The following DPP6 variants were observed in gnomAD, a reference collection of about 807,000 sequenced individuals.
DPP6 encodes the protein dipeptidyl peptidase like 6, also known as A-type potassium channel modulatory protein DPP6.
Under a neutral mutation model 122.6 loss-of-function variants are expected in DPP6, and 69 were observed. The observed-to-expected ratio is 0.56, with a 90% CI of 0.46 to 0.69. The LOEUF (loss-of-function observed/expected upper bound fraction) is 0.69. DPP6 is among the 30% of genes least tolerant of loss of function. DPP6 has a pLI of 0.00. For synonymous variants in DPP6, 418 were observed against 433.1 expected, an observed-to-expected ratio of 0.97 and a Z score of 0.43; for missense variants, 928 against 1,116.9, an observed-to-expected ratio of 0.83 and a Z score of 2.41.
At chr7:154,531,486 A>T (rs1035161808) in intron 3 of DPP6, among the ~76,000 whole-genome samples, 1 of 152,208 alleles carries the variant, frequency 6.6e-6, no homozygotes, top group Non-Finnish European at 1.5e-5. Context: ...TAAAACAAAT[A>T]TAAAATAATG....
intron 1 of DPP6, among the ~76,000 whole-genome samples, chr7:154,068,132 C>A (rs1479440004): frequency 6.6e-6 from 1 of 152,038 alleles, no homozygotes; most frequent in Non-Finnish European, 1.5e-5. Flanking sequence ...GAGAGGTTAG[C>A]AGGGAAGGGG....
At chr7:154,727,940 A>G in intron 8 of DPP6, 53 bp downstream of exon 8, 1 of 1,515,856 alleles carries the variant, frequency 6.6e-7, no homozygotes, top group African/African-American at 1.4e-5. Context: ...TGCTGCTGCT[A>G]CATTGGAGTT....
intron 5 of DPP6, among the ~76,000 whole-genome samples, chr7:154,589,355 G>T (rs146332522): frequency 2.3e-4 from 35 of 152,326 alleles, no homozygotes; most frequent in African/African-American, 8.4e-4. Flanking sequence ...TCGTGACTTT[G>T]TCCTGGTGAC....
At chr7:154,254,191 G>A (rs573236149) in intron 1 of DPP6, among the ~76,000 whole-genome samples, 5 of 152,240 alleles carry the variant, frequency 3.3e-5, no homozygotes, top group Admixed American at 1.3e-4. Flanking sequence ...AGAAATGGGG[G>A]TTTAACAAAT....
intron 7 of DPP6, among the ~76,000 whole-genome samples, chr7:154,714,906 A>G (rs887894208): frequency 1.3e-5 from 2 of 152,168 alleles, no homozygotes; most frequent in Non-Finnish European, 2.9e-5. Flanking sequence ...TAACAAAGAG[A>G]TGAGTCTGGC....
chr7:154,704,685 T>C (rs1198975456), intron 7 of DPP6, among the ~76,000 whole-genome samples: 1 of 152,250 alleles, frequency 6.6e-6, no homozygotes, highest in African/African-American at 2.4e-5. Flanking sequence ...TTGTTAGCAT[T>C]TTTTAGCAAC....
intron 1 of DPP6, among the ~76,000 whole-genome samples, chr7:154,211,720 C>T (rs768011382): frequency 6.6e-6 from 1 of 152,154 alleles, no homozygotes; most frequent in African/African-American, 2.4e-5. Flanking sequence ...CTCAGAGGAC[C>T]AGTGGCCCTC....
chr7:154,491,891 C>A (rs540030934), intron 3 of DPP6, among the ~76,000 whole-genome samples: 2 of 152,232 alleles, frequency 1.3e-5, no homozygotes, highest in South Asian at 2.1e-4. Context: ...TCCCTTCCAG[C>A]GTTAAGTTCC....
At chr7:154,016,051 C>G (rs190007600) in intron 1 of DPP6, among the ~76,000 whole-genome samples, 29 of 152,312 alleles carry the variant, frequency 1.9e-4, no homozygotes, top group African/African-American at 7.0e-4. Flanking sequence ...ATATCACATT[C>G]CTTCTGCATC....
chr7:154,654,022 C>T (rs1837060109), intron 6 of DPP6, among the ~76,000 whole-genome samples: 1 of 151,874 alleles, frequency 6.6e-6, no homozygotes, highest in Admixed American at 6.6e-5. Flanking sequence ...TTTGTACAGA[C>T]TTTCTTCCTT....
chr7:153,819,204 G>A, the DPP6 span, among the ~76,000 whole-genome samples: 2 of 131,952 alleles, frequency 1.5e-5, no homozygotes, highest in South Asian at 5.2e-4. Flanking sequence ...ATGAAGCCTA[G>A]TACCCATTAG....
chr7:154,127,711 TCTTTCCAA>T lies in DPP6; in HGVS notation c.243+74649_243+74656del, dbSNP rs770922618. Among the ~76,000 whole-genome samples, 1,106 of 151,936 alleles carry T rather than the reference TCTTTCCAA, an allele frequency of 7.3e-3. 10 individuals carry two copies. The highest frequency in any genetic ancestry group is 9.6e-3 in the Non-Finnish European group (652 of 68,000). ...CTTTCTGAGGTTGGGAAGGAATCAT[TCTTTCCAA>T]TGGCATCGTTGCCCAGCGTTGGCCA... On this transcript the variant is annotated intron_variant, in intron 1 of 25. Coordinates refer to ENST00000377770, the MANE Select transcript of DPP6 (RefSeq NM_130797.4).
At chr7:154,087,560 A>G (rs1804514422) in intron 1 of DPP6, among the ~76,000 whole-genome samples, 1 of 152,224 alleles carries the variant, frequency 6.6e-6, no homozygotes, top group Non-Finnish European at 1.5e-5. Flanking sequence ...AGCCACACTC[A>G]GCTAGAGAGC....
At chr7:153,773,389 A>G in the DPP6 span, among the ~76,000 whole-genome samples, 7 of 150,192 alleles carry the variant, frequency 4.7e-5, no homozygotes, top group Non-Finnish European at 8.9e-5. Flanking sequence ...TGTTAACTCA[A>G]TTTACCTAAT....
intron 3 of DPP6, among the ~76,000 whole-genome samples, chr7:154,482,349 A>G (rs1374981112): frequency 6.6e-6 from 1 of 152,174 alleles, no homozygotes; most frequent in Non-Finnish European, 1.5e-5. Context: ...AGTTGGGTTT[A>G]ACTTATTGGC....
chr7:154,649,224 T>A (rs948841794), intron 6 of DPP6, among the ~76,000 whole-genome samples: 1 of 152,212 alleles, frequency 6.6e-6, no homozygotes, highest in Admixed American at 6.5e-5. Flanking sequence ...ATTCATTTGT[T>A]TTTCACTGCT....
At chr7:154,163,142 C>A (rs1172095291) in intron 1 of DPP6, among the ~76,000 whole-genome samples, 1 of 151,276 alleles carries the variant, frequency 6.6e-6, no homozygotes, top group Non-Finnish European at 1.5e-5. Context: ...ACTTGACACC[C>A]AGAATTTATG....
chr7:154,692,820 C>T lies in DPP6; in HGVS notation c.762+23379C>T, dbSNP rs191429988. Among the ~76,000 whole-genome samples, 664 of 146,262 alleles carry T rather than the reference C, an allele frequency of 4.5e-3. 7 individuals carry two copies. Among genetic ancestry groups the T allele is most frequent in the African/African-American group, 0.016 (633 of 39,920 alleles). ...TTTTTGAGACAGGGTCTCACTCTGT[C>T]ATCCAGGCTGGAGTGCAGTGGCACA... On this transcript the variant is annotated intron_variant, in intron 7 of 25. Transcript: ENST00000377770.
intron 1 of DPP6, among the ~76,000 whole-genome samples, chr7:154,369,975 T>TTTAC (rs1192728787): frequency 1.3e-5 from 2 of 150,628 alleles, no homozygotes; most frequent in African/African-American, 4.9e-5. Context: ...CATTTATTTA[T>TTTAC]TTATTTATTT....
Sources: gnomAD v4.1 joint callset for allele counts (sites outside exome capture counted in the v4.1 genomes callset) on GRCh38, gnomAD v4.1.1 for gene constraint, MANE v1.5 for transcripts, NCBI Gene and HGNC (gene_info 2026-07-23, HGNC 2026-07-21) for gene names.